The following RALY variants were observed in gnomAD, a reference collection of about 807,000 sequenced individuals.
RALY encodes RALY heterogeneous nuclear ribonucleoprotein.
RALY carries 15 observed loss-of-function variants against 30.7 expected under a neutral mutation model. The ratio of observed to expected loss-of-function variants is 0.49; its 90% CI spans 0.33 to 0.75. The LOEUF (loss-of-function observed/expected upper bound fraction) is 0.75. Among genes scored for constraint, RALY ranks in the 30% least tolerant of loss-of-function variants. The pLI is 0.02. For missense variants in RALY, 339 were observed against 414.3 expected (o/e 0.82, Z 1.58); for synonymous variants, 177 against 170.8 (o/e 1.04, Z -0.28).
At chr20:34,002,057 G>A (rs769052620) in intron 1 of RALY, among the ~76,000 whole-genome samples, 1 of 152,288 alleles carries the variant, frequency 6.6e-6, no homozygotes, top group Non-Finnish European at 1.5e-5. Flanking sequence ...GTGAGCAGCC[G>A]CGCCTGACCA....
At chr20:34,053,489 C>G (rs2033147568) in intron 2 of RALY, among the ~76,000 whole-genome samples, 1 of 136,308 alleles carries the variant, frequency 7.3e-6, no homozygotes, top group African/African-American at 2.8e-5. Context: ...GTCCAACCTT[C>G]TGGGCTCAAG....
rs1490158916 is a variant in RALY, at chr20:33,993,988, G to GCGACGGCGA, written c.-230_-222dup. The stretch of plus-strand genomic sequence containing the variant: ...AGAAGCTGAGGGGGCGGTAGCGGCG[G>GCGACGGCGA]CGACGGCGACGACGACGACTCCCGC... On this transcript the variant is annotated 5_prime_UTR_variant, in exon 1 of 10. Transcript: ENST00000246194. 6.6e-6 allele frequency: 1 copy of GCGACGGCGA among 151,826 alleles called. No homozygotes were observed. The highest frequency in any genetic ancestry group is 1.5e-5 in the Non-Finnish European group (1 of 67,888). The allele number at this position is 151,826 out of a possible 1,614,324, so 9.4% of individuals were successfully genotyped here.
intron 2 of RALY, among the ~76,000 whole-genome samples, chr20:34,069,604 C>A (rs890805299): frequency 7.2e-5 from 11 of 152,152 alleles, no homozygotes; most frequent in Non-Finnish European, 2.9e-5. Context: ...TCTTGTATAC[C>A]CGTGGATAGA....
chr20:34,079,310 C>T (rs2033981268), intron 9 of RALY, among the ~76,000 whole-genome samples: 1 of 152,174 alleles, frequency 6.6e-6, no homozygotes, highest in African/African-American at 2.4e-5. Flanking sequence ...GCCTGGATTT[C>T]AGCCCAGTGG....
At chr20:34,067,383 C>T (rs949398827) in intron 2 of RALY, among the ~76,000 whole-genome samples, 5 of 151,838 alleles carry the variant, frequency 3.3e-5, no homozygotes, top group African/African-American at 1.2e-4. Flanking sequence ...CTAGGCTGGT[C>T]CTGAACTCCT....
chr20:34,015,581 A>G (rs1161913940), intron 1 of RALY, among the ~76,000 whole-genome samples: 2 of 151,730 alleles, frequency 1.3e-5, no homozygotes, highest in African/African-American at 4.8e-5. Flanking sequence ...TTTTATTGGC[A>G]TAGACTTTTT....
At chr20:33,999,913 C>A (rs1297721847) in intron 1 of RALY, among the ~76,000 whole-genome samples, 5 of 152,040 alleles carry the variant, frequency 3.3e-5, no homozygotes, top group Non-Finnish European at 7.4e-5. Flanking sequence ...AAGGTCCCTT[C>A]TAGCAATTAC....
chr20:34,042,008 G>A (rs2032718253), intron 2 of RALY, among the ~76,000 whole-genome samples: 1 of 152,182 alleles, frequency 6.6e-6, no homozygotes, highest in South Asian at 2.1e-4. Context: ...AGGAGGCTGA[G>A]ATGGGAGGAT....
chr20:34,028,999 G>A (rs759229048), intron 1 of RALY, among the ~76,000 whole-genome samples: 1 of 152,128 alleles, frequency 6.6e-6, no homozygotes, highest in African/African-American at 2.4e-5. Flanking sequence ...AGGACCATTA[G>A]TCTGGCTGTG....
At chr20:34,003,269 G>T (rs1266819530) in intron 1 of RALY, among the ~76,000 whole-genome samples, 1 of 152,134 alleles carries the variant, frequency 6.6e-6, no homozygotes, top group African/African-American at 2.4e-5. Context: ...TCTGTGAAGT[G>T]GGGTTAACAC....
chr20:34,006,023 G>T (rs2031141664), intron 1 of RALY, among the ~76,000 whole-genome samples: 1 of 152,134 alleles, frequency 6.6e-6, no homozygotes, highest in South Asian at 2.1e-4. Flanking sequence ...TCCAAATTTT[G>T]TCAATTATGA....
chr20:34,026,446 A>G (rs916805273), intron 1 of RALY, among the ~76,000 whole-genome samples: 2 of 151,662 alleles, frequency 1.3e-5, no homozygotes, highest in Admixed American at 6.6e-5. Flanking sequence ...TCTGTCGCCC[A>G]TGCTGGAGTG....
At position 34,019,048 on chromosome 20, in the gene RALY, C is replaced by T. The variant is rs1375808865; in HGVS notation, c.-92-12474C>T. Among the ~76,000 whole-genome samples, 6 of 152,136 alleles carry T rather than the reference C, an allele frequency of 3.9e-5. No individual in the cohort carries two copies. The East Asian group carries it at 7.7e-4, about 20-fold the overall frequency. On this transcript the variant is annotated intron_variant, in intron 1 of 9. Transcript: ENST00000246194. ...CTAAAAATAGGATCCCTCGGCCGGGCGCAGTGGCTCACGCCTGTAATCCCA... is the reference window on the plus strand; with the variant it reads ...CTAAAAATAGGATCCCTCGGCCGGGTGCAGTGGCTCACGCCTGTAATCCCA...
chr20:34,066,661 G>A (rs1296077474), intron 2 of RALY, among the ~76,000 whole-genome samples: 3 of 151,202 alleles, frequency 2.0e-5, no homozygotes, highest in African/African-American at 7.3e-5. Context: ...AAAGTGCTGG[G>A]ATTACTTGCG....
At chr20:34,002,937 GTGGTTTC>G (rs904764825) in intron 1 of RALY, among the ~76,000 whole-genome samples, 1 of 152,194 alleles carries the variant, frequency 6.6e-6, no homozygotes, top group African/African-American at 2.4e-5. Flanking sequence ...TATCTGAGGT[GTGGTTTC>G]TGGCATTTGA....
chr20:34,036,285 C>T (rs1388257707), intron 2 of RALY, among the ~76,000 whole-genome samples: 1 of 152,102 alleles, frequency 6.6e-6, no homozygotes, highest in Non-Finnish European at 1.5e-5. Flanking sequence ...AAGGAAGTTC[C>T]CTTTTATTCC....
chr20:34,044,516 C>T (rs1450696447), intron 2 of RALY, among the ~76,000 whole-genome samples: 1 of 151,944 alleles, frequency 6.6e-6, no homozygotes, highest in Non-Finnish European at 1.5e-5. Flanking sequence ...GGCGGAGTTT[C>T]TCCATGTTGG....
rs759884673 is a variant in RALY, at chr20:34,072,344, C to T, written c.256+14C>T. 1 of 1,607,036 alleles carries T rather than the reference C, an allele frequency of 6.2e-7. No homozygotes were observed. The highest frequency in any genetic ancestry group is 2.2e-5 in the East Asian group (1 of 44,848). On this transcript the variant is annotated intron_variant, in intron 3 of 9. Coordinates refer to ENST00000246194, the MANE Select transcript of RALY (RefSeq NM_016732.3). ...GGCAGACCCTGGGTAAGCCTCTCTT[C>T]ACTATATTCTCCTAGTATTCTCTAG...
chr20:34,050,804 G>A (rs1601473289), intron 2 of RALY, among the ~76,000 whole-genome samples: 1 of 152,276 alleles, frequency 6.6e-6, no homozygotes, highest in South Asian at 2.1e-4. Context: ...GAGGAGTCTA[G>A]CCCCACAGCC....
Sources: gnomAD v4.1 joint callset for allele counts (sites outside exome capture counted in the v4.1 genomes callset) on GRCh38, gnomAD v4.1.1 for gene constraint, MANE v1.5 for transcripts, NCBI Gene and HGNC (gene_info 2026-07-23, HGNC 2026-07-21) for gene names.